Variants in MED13L observed in about 807,000 individuals in gnomAD.
MED13L encodes mediator complex subunit 13L, also known as mediator of RNA polymerase II transcription subunit 13-like.
MED13L carries 7 observed loss-of-function variants against 220.9 expected under a neutral mutation model. The ratio of observed to expected loss-of-function variants is 0.03; its 90% CI spans 0.02 to 0.06. The LOEUF is 0.06. Among genes scored for constraint, MED13L ranks in the 10% least tolerant of loss-of-function variants. The pLI is 1.00. For missense variants in MED13L, 1,965 were observed against 2,760.5 expected, an observed-to-expected ratio of 0.71 and a Z score of 6.46; for synonymous variants, 1,011 against 1,015.2, an observed-to-expected ratio of 1.00 and a Z score of 0.08.
intron 22 of MED13L, chr12:115,982,013 C>T (rs944081406): frequency 2.9e-5 from 6 of 206,682 alleles, no homozygotes; most frequent in South Asian, 1.6e-4. Context: ...GCCAATAAAA[C>T]GCCACAAGTG....
At chr12:116,147,728 T>C (rs1565900065) in intron 2 of MED13L, among the ~76,000 whole-genome samples, 2 of 152,040 alleles carry the variant, frequency 1.3e-5, no homozygotes, top group Non-Finnish European at 2.9e-5. Context: ...AACGGTTGGG[T>C]ATTTACACTT....
chr12:116,214,566 T>C (rs953027191), intron 2 of MED13L, among the ~76,000 whole-genome samples: 1 of 152,128 alleles, frequency 6.6e-6, no homozygotes, highest in Non-Finnish European at 1.5e-5. Flanking sequence ...TTGGATAAAA[T>C]ATATGTAATA....
chr12:116,242,536 T>C (rs1326521678), intron 1 of MED13L, among the ~76,000 whole-genome samples: 1 of 152,178 alleles, frequency 6.6e-6, no homozygotes, highest in Non-Finnish European at 1.5e-5. Context: ...TTCTAAAATA[T>C]AGAACCAAAA....
intron 2 of MED13L, among the ~76,000 whole-genome samples, chr12:116,178,386 T>A (rs1880240339): frequency 6.6e-6 from 1 of 152,192 alleles, no homozygotes; most frequent in Non-Finnish European, 1.5e-5. Context: ...CCTAAGGACT[T>A]GCGGAGCAAA....
chr12:116,277,183 C>T lies in MED13L; in HGVS notation c.-52G>A, dbSNP rs751504670. 11 of 1,368,852 alleles carry T rather than the reference C, an allele frequency of 8.0e-6. No homozygotes were observed. The highest frequency in any genetic ancestry group is 1.4e-5 in the South Asian group (1 of 71,886). 84.8% of individuals were successfully genotyped at this position (1,368,852 alleles called of 1,614,324 possible). A position where few individuals can be genotyped will look rare whatever the true frequency, so the allele number is the denominator to read the frequency against. On this transcript the variant is annotated 5_prime_UTR_variant, in exon 1 of 31. Transcript: ENST00000281928. Reference sequence around the variant, plus strand: ...GCGGGGCATGTCGGAGCGAGGCGTCCGAGGCGAGGCCGGGCCGGGCGGCGG... The same window carrying T: ...GCGGGGCATGTCGGAGCGAGGCGTCTGAGGCGAGGCCGGGCCGGGCGGCGG...
chr12:116,195,264 T>C lies in MED13L; in HGVS notation c.310+42204A>G, dbSNP rs1365442859. Among the ~76,000 whole-genome samples, 7 of 139,390 alleles carry C rather than the reference T, an allele frequency of 5.0e-5. No homozygotes were observed. In the East Asian group the frequency reaches 1.5e-3, roughly 29 times the overall value. The allele number at this position is 139,390 out of a possible 152,430, so 91.4% of individuals were successfully genotyped here. On this transcript the variant is annotated intron_variant, in intron 2 of 30. Transcript: ENST00000281928. ...CTCTGCTGCCAATCTAAGACCTTGGTGGGGGTGGGGGCAACAGGGAGAAGC... is the reference window on the plus strand; with the variant it reads ...CTCTGCTGCCAATCTAAGACCTTGGCGGGGGTGGGGGCAACAGGGAGAAGC...
chr12:116,108,395 G>A (rs1353689577), intron 3 of MED13L, among the ~76,000 whole-genome samples: 2 of 138,980 alleles, frequency 1.4e-5, no homozygotes, highest in Admixed American at 7.1e-5. Flanking sequence ...AAGAAAGGGG[G>A]GGGGGGCGCG....
At chr12:116,268,425 T>C (rs1397983418) in intron 1 of MED13L, among the ~76,000 whole-genome samples, 1 of 152,224 alleles carries the variant, frequency 6.6e-6, no homozygotes, top group African/African-American at 2.4e-5. Context: ...ACCTTATTAG[T>C]GCTCATATTA....
At chr12:116,189,971 T>A (rs1210273721) in intron 2 of MED13L, among the ~76,000 whole-genome samples, 1 of 152,194 alleles carries the variant, frequency 6.6e-6, no homozygotes, top group East Asian at 1.9e-4. Flanking sequence ...TTCCTTGGGA[T>A]CTTCCATGTA....
chr12:116,162,226 T>C lies in MED13L; in HGVS notation c.311-50714A>G, dbSNP rs539780430. 3.9e-5 allele frequency among the ~76,000 whole-genome samples: 6 copies of C among 152,250 alleles called. 1 individual carries two copies. The South Asian group carries it at 8.3e-4, about 21-fold the overall frequency. ...ATAAAAAAAAAGTAAACTGAAGTAA[T>C]CTATTGTTAACTAATCAGCTTATTT... On this transcript the variant is annotated intron_variant, in intron 2 of 30. Transcript: ENST00000281928.
rs991247323 is a variant in MED13L at position 116,236,266 on chromosome 12, A to G, written c.310+1202T>C. Among the ~76,000 whole-genome samples the G allele has an allele frequency of 5.6e-4, 86 of 152,326 alleles. 1 individual carries two copies. The highest frequency in any genetic ancestry group is 1.9e-3 in the African/African-American group (78 of 41,574). On this transcript the variant is annotated intron_variant, in intron 2 of 30. Coordinates refer to ENST00000281928, the MANE Select transcript of MED13L (RefSeq NM_015335.5). The stretch of plus-strand genomic sequence containing the variant: ...ATTTATAGACCAAATACCCTAAAAA[A>G]TATCAGGATAAAGGTTTGAGCTGAA...
In MED13L at chr12:116,025,051, G is replaced by C. The variant is rs896267330; in HGVS notation, c.480-2450C>G. On this transcript the variant is annotated intron_variant, in intron 4 of 30. Transcript: ENST00000281928. ...AGCTTTACAGTATACTTTGAAGTCA[G>C]GTAGTGTGATGTATCCCCCCACCAC... Among the ~76,000 whole-genome samples, 6 of 152,070 alleles carry C rather than the reference G, an allele frequency of 3.9e-5. 1 individual carries two copies. The highest frequency in any genetic ancestry group is 3.9e-4 in the Admixed American group (6 of 15,262).
intron 1 of MED13L, among the ~76,000 whole-genome samples, chr12:116,255,552 T>A (rs2138535628): frequency 6.6e-6 from 1 of 152,316 alleles, no homozygotes; most frequent in Middle Eastern, 3.4e-3. Flanking sequence ...CTTTTGTTAT[T>A]CAAAGAAGAC....
intron 4 of MED13L, among the ~76,000 whole-genome samples, chr12:116,054,109 C>G (rs560224533): frequency 5.3e-5 from 8 of 152,222 alleles, no homozygotes; most frequent in Admixed American, 2.6e-4. Context: ...GCTCACTGCT[C>G]TGCTCCACGT....
Position 116,137,780 on chromosome 12 carries a change from T to C in MED13L, c.311-26268A>G, listed in dbSNP as rs555454034. 2.6e-5 allele frequency among the ~76,000 whole-genome samples: 4 copies of C among 152,012 alleles called. No homozygotes were observed. In the East Asian group the frequency reaches 5.8e-4, roughly 22 times the overall value. ...AACTTGTATAAACTTGTCTAAAAAA[T>C]ACGGTGTTGTACCTTGGAAACAGTA... On this transcript the variant is annotated intron_variant, in intron 2 of 30. Coordinates refer to ENST00000281928, the MANE Select transcript of MED13L (RefSeq NM_015335.5).
chr12:116,040,821 A>AT, intron 4 of MED13L, among the ~76,000 whole-genome samples: 1 of 151,682 alleles, frequency 6.6e-6, no homozygotes, highest in South Asian at 2.1e-4. Flanking sequence ...ATGAAAGGGG[A>AT]TTTTAACTGA....
At position 116,006,000 on chromosome 12, in the gene MED13L, G is replaced by C. The variant is rs1381763093; in HGVS notation, c.2345-7C>G. On this transcript the variant is annotated splice_polypyrimidine_tract_variant and splice_region_variant and intron_variant, in intron 12 of 30. Coordinates refer to ENST00000281928, the MANE Select transcript of MED13L (RefSeq NM_015335.5). The stretch of plus-strand genomic sequence containing the variant: ...GCATTATCCTGCCGGACATCTGTAG[G>C]AAAGGAGGCAAAAGACACAGAATAA... 6.2e-7 allele frequency: 1 copy of C among 1,613,772 alleles called. No individual in the cohort carries two copies. Among genetic ancestry groups the C allele is most frequent in the Admixed American group, 1.7e-5 (1 of 60,004 alleles).
Position 115,986,497 on chromosome 12 carries a change from G to T in MED13L, c.4115-8C>A. ...CAGGAGATTCTTCCGAACCTAAAAT[G>T]ACATTGTAGTGTAGAAAGGTGCTAG... is the stretch of plus-strand genomic sequence containing the variant. On this transcript the variant is annotated splice_region_variant and splice_polypyrimidine_tract_variant and intron_variant, in intron 18 of 30. Transcript: ENST00000281928. 6.2e-7 allele frequency: 1 copy of T among 1,612,414 alleles called. No homozygotes were observed. Among genetic ancestry groups the T allele is most frequent in the Non-Finnish European group, 8.5e-7 (1 of 1,178,908 alleles).
intron 10 of MED13L, 167 bp from the exon 11 acceptor site, chr12:116,007,803 G>A: frequency 1.5e-6 from 1 of 650,532 alleles, no homozygotes; most frequent in South Asian, 2.0e-5. Context: ...AAGAATATAT[G>A]TTTTTGTCTC....
Sources: allele counts gnomAD v4.1 joint callset (sites outside exome capture counted in the v4.1 genomes callset), GRCh38; gene constraint gnomAD v4.1.1; transcripts MANE v1.5; gene names NCBI Gene and HGNC (gene_info 2026-07-23, HGNC 2026-07-21).